SRPK2: variants seen among roughly 807,000 people sequenced by gnomAD.
SRPK2 encodes SFRS protein kinase 2.
A neutral mutation model predicts 90.8 loss-of-function variants in SRPK2; 21 were observed. That is an observed-to-expected ratio of 0.23 (90% CI 0.16 to 0.33). The LOEUF (loss-of-function observed/expected upper bound fraction) is 0.33. Ranked by LOEUF, SRPK2 falls within the 10% of genes least tolerant of loss-of-function variation. The pLI is 1.00. For synonymous variants in SRPK2, 288 were observed against 311.1 expected, an observed-to-expected ratio of 0.93 and a Z score of 0.78; for missense variants, 620 against 869.0, an observed-to-expected ratio of 0.71 and a Z score of 3.60.
At position 105,157,395 on chromosome 7, in the gene SRPK2, G is replaced by A. The variant is rs189564830; in HGVS notation, c.621+3112C>T. ...GGAAATGATATAACTGTGTCAGTCT[G>A]CAATAAAAAATCTTCCTAGTACTAC... On this transcript the variant is annotated intron_variant, in intron 7 of 15. Transcript: ENST00000393651. 6.6e-5 allele frequency among the ~76,000 whole-genome samples: 10 copies of A among 152,266 alleles called. No homozygotes were observed. In the East Asian group the frequency reaches 1.7e-3, roughly 26 times the overall value.
intron 2 of SRPK2, among the ~76,000 whole-genome samples, chr7:105,216,068 A>C (rs373192931): frequency 3.3e-4 from 47 of 143,954 alleles, no homozygotes; most frequent in African/African-American, 1.2e-3. Flanking sequence ...CCCCATCTCT[A>C]CAAAAAAAAA....
At chr7:105,286,985 G>A (rs1466635610) in intron 2 of SRPK2, among the ~76,000 whole-genome samples, 1 of 152,142 alleles carries the variant, frequency 6.6e-6, no homozygotes, top group East Asian at 1.9e-4. Flanking sequence ...ATGCAGGCCG[G>A]GCGCGGTGGC....
intron 2 of SRPK2, among the ~76,000 whole-genome samples, chr7:105,280,667 G>A (rs999443151): frequency 1.4e-5 from 2 of 141,338 alleles, no homozygotes; most frequent in Admixed American, 7.0e-5. Context: ...GGGGGGGGGG[G>A]CCGGGCACAG....
At chr7:105,327,415 A>G (rs1441299515) in intron 2 of SRPK2, among the ~76,000 whole-genome samples, 1 of 152,180 alleles carries the variant, frequency 6.6e-6, no homozygotes, top group Non-Finnish European at 1.5e-5. Context: ...TGAAAGGTCT[A>G]AATTATTTAT....
At chr7:105,316,682 GC>G (rs1177605276) in intron 2 of SRPK2, among the ~76,000 whole-genome samples, 1 of 152,146 alleles carries the variant, frequency 6.6e-6, no homozygotes, top group Non-Finnish European at 1.5e-5. Context: ...AGAAACTAAT[GC>G]AAGGACACAA....
chr7:105,232,923 G>T (rs890530800), intron 2 of SRPK2, among the ~76,000 whole-genome samples: 1 of 151,988 alleles, frequency 6.6e-6, no homozygotes, highest in Non-Finnish European at 1.5e-5. Flanking sequence ...TGAGGCAGGA[G>T]AATCACTTGA....
upstream of SRPK2, chr7:105,388,938 C>T (rs1416621895): frequency 5.9e-6 from 7 of 1,189,512 alleles, no homozygotes; most frequent in Non-Finnish European, 1.0e-6. Flanking sequence ...CCGCCGCCGC[C>T]GCCGCTCCAG....
At chr7:105,291,062 A>G (rs1250320192) in intron 2 of SRPK2, among the ~76,000 whole-genome samples, 8 of 150,296 alleles carry the variant, frequency 5.3e-5, no homozygotes, top group East Asian at 3.9e-4. Flanking sequence ...AAAAAAAAAA[A>G]AAAGAAATGA....
chr7:105,264,383 T>C (rs754011976), intron 2 of SRPK2, among the ~76,000 whole-genome samples: 1 of 152,248 alleles, frequency 6.6e-6, no homozygotes, highest in Non-Finnish European at 1.5e-5. Context: ...GGGTTCCTTA[T>C]GGATTTGAAA....
intron 15 of SRPK2, chr7:105,125,864 T>C: frequency 1.5e-6 from 2 of 1,304,064 alleles, no homozygotes; most frequent in Non-Finnish European, 2.0e-6. Flanking sequence ...CAATGATCAA[T>C]GCTATGTGAT....
chr7:105,145,176 A>G, intron 9 of SRPK2, 107 bp downstream of exon 9: 1 of 735,098 alleles, frequency 1.4e-6, no homozygotes, highest in Non-Finnish European at 2.0e-6. Flanking sequence ...AGCTTTTATA[A>G]ATGTGTCTAC....
intron 2 of SRPK2, among the ~76,000 whole-genome samples, chr7:105,368,066 G>A (rs1241897629): frequency 6.6e-6 from 1 of 152,188 alleles, no homozygotes. Context: ...ACAAAGAAGA[G>A]GCAGTGGGCA....
intron 1 of SRPK2, among the ~76,000 whole-genome samples, chr7:105,397,606 G>A (rs1252710254): frequency 1.3e-5 from 2 of 151,794 alleles, no homozygotes; most frequent in Non-Finnish European, 2.9e-5. Context: ...GGGATTACAG[G>A]CATGAGCCAC....
In SRPK2 at chr7:105,143,370, T is replaced by C. The variant is rs1015473180; in HGVS notation, c.814-40A>G. On this transcript the variant is annotated intron_variant, in intron 9 of 15. Transcript: ENST00000393651. ...GACCACAGGTCAGTATTCTTCTTTT[T>C]AAAGCACCACGATAGTATAACGACT... 12 of 1,591,168 alleles carry C rather than the reference T, an allele frequency of 7.5e-6. 1 individual carries two copies. Among genetic ancestry groups the C allele is most frequent in the Admixed American group, 1.8e-5 (1 of 56,106 alleles).
rs1214323652 is a variant in SRPK2 at position 105,328,720 on chromosome 7, C to T, written c.71+59928G>A. Among the ~76,000 whole-genome samples, 5 of 151,638 alleles carry T rather than the reference C, an allele frequency of 3.3e-5. No homozygotes were observed. The East Asian group carries it at 9.7e-4, about 29-fold the overall frequency. ...TCTACTAAAAATACAAAAAAATTAG[C>T]CGGGCATAGCGGCAGGCACCTGTAG... is the stretch of plus-strand genomic sequence containing the variant. On this transcript the variant is annotated intron_variant, in intron 2 of 15. Transcript: ENST00000393651.
chr7:105,243,361 C>T (rs73186027), intron 2 of SRPK2, among the ~76,000 whole-genome samples: 27,610 of 151,992 alleles, frequency 0.18, 3,179 homozygotes, highest in East Asian at 0.58. Flanking sequence ...AGTTGAGGAG[C>T]CTGAGATAGG....
intron 2 of SRPK2, among the ~76,000 whole-genome samples, chr7:105,379,655 TA>T (rs1219956541): frequency 5.3e-5 from 8 of 151,852 alleles, no homozygotes; most frequent in Admixed American, 2.0e-4. Context: ...TAAATAAATG[TA>T]AAAAAAATCA....
intron 2 of SRPK2, among the ~76,000 whole-genome samples, chr7:105,315,850 T>G (rs1393488966): frequency 6.6e-6 from 1 of 152,122 alleles, no homozygotes; most frequent in African/African-American, 2.4e-5. Context: ...GCATAATAAA[T>G]TTTTGTTAAT....
intron 15 of SRPK2, among the ~76,000 whole-genome samples, chr7:105,122,279 G>A (rs561366756): frequency 1.3e-5 from 2 of 152,294 alleles, no homozygotes; most frequent in East Asian, 3.9e-4. Flanking sequence ...ATTGTAAAAT[G>A]TATATAAATT....
Sources: gnomAD v4.1 joint callset for allele counts (sites outside exome capture counted in the v4.1 genomes callset) on GRCh38, gnomAD v4.1.1 for gene constraint, MANE v1.5 for transcripts, NCBI Gene and HGNC (gene_info 2026-07-23, HGNC 2026-07-21) for gene names.